WDFY2: variants seen among roughly 807,000 people sequenced by gnomAD.
The protein encoded by WDFY2 is WD repeat and FYVE domain-containing protein 2.
In WDFY2, 36 loss-of-function variants were observed where a neutral mutation model predicts 56.4. That is an observed-to-expected ratio of 0.64 (90% CI 0.49 to 0.84). The LOEUF (loss-of-function observed/expected upper bound fraction) is 0.84. WDFY2 is among the 40% of genes least tolerant of loss of function. The pLI, the probability that WDFY2 is intolerant of heterozygous loss-of-function variation, is 0.00. For synonymous variants in WDFY2, 176 were observed against 183.7 expected (o/e 0.96, Z 0.34); for missense variants, 444 against 512.2 (o/e 0.87, Z 1.29).
At chr13:51,696,175 T>G (rs1343200184) in intron 3 of WDFY2, among the ~76,000 whole-genome samples, 1 of 152,176 alleles carries the variant, frequency 6.6e-6, no homozygotes, top group African/African-American at 2.4e-5. Context: ...CAGGGTGTGC[T>G]GCACCCACTA....
At chr13:51,661,267 G>T (rs1397231598) in intron 2 of WDFY2, among the ~76,000 whole-genome samples, 1 of 152,104 alleles carries the variant, frequency 6.6e-6, no homozygotes, top group Admixed American at 6.5e-5. Flanking sequence ...AGCTGAAGAA[G>T]ACCTGGCCCC....
intron 1 of WDFY2, among the ~76,000 whole-genome samples, chr13:51,638,742 G>A (rs555163332): frequency 6.6e-6 from 1 of 152,174 alleles, no homozygotes; most frequent in African/African-American, 2.4e-5. Context: ...AAACTTTTTG[G>A]ATTTTTATTT....
chr13:51,743,742 A>T (rs759238442), intron 7 of WDFY2, among the ~76,000 whole-genome samples: 9 of 152,242 alleles, frequency 5.9e-5, no homozygotes, highest in Non-Finnish European at 1.3e-4. Flanking sequence ...AAGTATGAAA[A>T]TAGGCAAAGG....
At chr13:51,633,876 G>A (rs1593909011) in intron 1 of WDFY2, among the ~76,000 whole-genome samples, 1 of 152,230 alleles carries the variant, frequency 6.6e-6, no homozygotes, top group East Asian at 1.9e-4. Flanking sequence ...ACTTTGGTCT[G>A]TTTCTGAGCT....
At chr13:51,692,984 A>G (rs9591424) in intron 3 of WDFY2, among the ~76,000 whole-genome samples, 1 of 152,066 alleles carries the variant, frequency 6.6e-6, no homozygotes, top group Non-Finnish European at 1.5e-5. Flanking sequence ...ATTTGTGTAG[A>G]GGTGTTTGTA....
At chr13:51,594,478 G>A (rs1954108724) in intron 1 of WDFY2, among the ~76,000 whole-genome samples, 1 of 152,106 alleles carries the variant, frequency 6.6e-6, no homozygotes, top group Non-Finnish European at 1.5e-5. Context: ...TTTGTGAAAC[G>A]ACTTTTATCA....
chr13:51,595,842 G>A (rs982354383), intron 1 of WDFY2, among the ~76,000 whole-genome samples: 1 of 152,158 alleles, frequency 6.6e-6, no homozygotes, highest in African/African-American at 2.4e-5. Context: ...ATAAAGGTGG[G>A]TATTGGTAAA....
intron 1 of WDFY2, among the ~76,000 whole-genome samples, chr13:51,594,915 T>C (rs2138295982): frequency 6.6e-6 from 1 of 152,358 alleles, no homozygotes; most frequent in East Asian, 1.9e-4. Flanking sequence ...GCTTTTTCTG[T>C]TGCCATGGTT....
chr13:51,692,815 A>G (rs941604205), intron 3 of WDFY2, among the ~76,000 whole-genome samples: 8 of 152,156 alleles, frequency 5.3e-5, no homozygotes, highest in African/African-American at 1.9e-4. Flanking sequence ...CTGTGAATCC[A>G]TATGGTCCTG....
At chr13:51,589,964 G>A (rs1593845378) in intron 1 of WDFY2, 2 of 152,264 alleles carry the variant, frequency 1.3e-5, no homozygotes, top group East Asian at 3.9e-4. Flanking sequence ...CTGCCTCTGT[G>A]TTTCCAAAGG....
intron 1 of WDFY2, among the ~76,000 whole-genome samples, chr13:51,613,995 G>GT (rs1445139345): frequency 6.6e-6 from 1 of 151,894 alleles, no homozygotes; most frequent in African/African-American, 2.4e-5. Context: ...GACCAGCCTG[G>GT]CTAACATAGT....
rs758870141 is a variant in WDFY2 at position 51,739,084 on chromosome 13, C to T, written c.634C>T (p.Arg212Trp). The change falls in exon 7 of 12, where the codon CGG (arginine) becomes TGG (tryptophan). Residue 212 changes from arginine (R) to tryptophan (W), a missense_variant. Transcript: ENST00000298125. ...VTALCWDPVQ[R>W]VLFSGSSDHS... ...CGCTCTCTGTTGGGACCCAGTCCAG[C>T]GGGTGTTGTTCTCAGGCAGTTCAGA... 2.0e-5 allele frequency: 32 copies of T among 1,600,298 alleles called. No individual in the cohort carries two copies. Among genetic ancestry groups the T allele is most frequent in the African/African-American group, 1.2e-4 (9 of 74,438 alleles).
At chr13:51,745,138 T>A (rs919169488) in intron 7 of WDFY2, among the ~76,000 whole-genome samples, 1 of 152,176 alleles carries the variant, frequency 6.6e-6, no homozygotes, top group Non-Finnish European at 1.5e-5. Context: ...ACAAATGAAA[T>A]GTAGTTCAAA....
intron 6 of WDFY2, among the ~76,000 whole-genome samples, chr13:51,738,445 G>A (rs1952890855): frequency 1.3e-5 from 2 of 152,160 alleles, no homozygotes; most frequent in Admixed American, 6.5e-5. Context: ...TGGCTGGGTT[G>A]ATGTTTTCAT....
intron 3 of WDFY2, among the ~76,000 whole-genome samples, chr13:51,696,122 C>G (rs866152049): frequency 2.0e-5 from 3 of 152,208 alleles, no homozygotes; most frequent in African/African-American, 7.2e-5. Flanking sequence ...TGACCCCTTG[C>G]GCTTCCCGAG....
At chr13:51,736,650 G>A (rs1419175593) in intron 6 of WDFY2, among the ~76,000 whole-genome samples, 5 of 152,154 alleles carry the variant, frequency 3.3e-5, no homozygotes, top group Non-Finnish European at 7.3e-5. Flanking sequence ...GCGCCACCAC[G>A]CCCAGCTAAT....
intron 3 of WDFY2, among the ~76,000 whole-genome samples, chr13:51,676,485 G>C (rs1955891005): frequency 6.6e-6 from 1 of 152,188 alleles, no homozygotes; most frequent in Non-Finnish European, 1.5e-5. Context: ...TTATTTAATA[G>C]TTCAACTGGA....
At chr13:51,707,312 C>G (rs1191908308) in intron 4 of WDFY2, among the ~76,000 whole-genome samples, 1 of 152,146 alleles carries the variant, frequency 6.6e-6, no homozygotes, top group African/African-American at 2.4e-5. Context: ...GCGTATGCCA[C>G]CACACCTGGC....
At chr13:51,643,122 G>A (rs570543760) in intron 1 of WDFY2, among the ~76,000 whole-genome samples, 6 of 152,190 alleles carry the variant, frequency 3.9e-5, no homozygotes, top group East Asian at 3.9e-4. Context: ...CTATTTGTAA[G>A]TGTTCAATTC....
Sources: gnomAD v4.1 joint callset for allele counts (sites outside exome capture counted in the v4.1 genomes callset) on GRCh38, gnomAD v4.1.1 for gene constraint, MANE v1.5 for transcripts, NCBI Gene and HGNC (gene_info 2026-07-23, HGNC 2026-07-21) for gene names.